Variants in PLXDC2 observed in about 807,000 individuals in gnomAD.
The protein encoded by PLXDC2 is plexin domain-containing protein 2.
PLXDC2 carries 40 observed loss-of-function variants against 68.9 expected under a neutral mutation model. The ratio of observed to expected loss-of-function variants is 0.58; its 90% CI spans 0.45 to 0.76. PLXDC2 has a LOEUF of 0.76. Ranked by LOEUF, PLXDC2 falls within the 30% of genes least tolerant of loss-of-function variation. The probability of loss-of-function intolerance (pLI) is 0.00; values close to 1 mark genes in which losing one functional copy is unlikely to be tolerated. For synonymous variants in PLXDC2, 243 were observed against 234.2 expected (o/e 1.04, Z -0.34); for missense variants, 644 against 661.9 (o/e 0.97, Z 0.30).
At chr10:20,162,063 AG>A (rs71390762) in intron 6 of PLXDC2, among the ~76,000 whole-genome samples, 7,876 of 68,366 alleles carry the variant, frequency 0.12, 303 homozygotes, top group East Asian at 0.38. Flanking sequence ...AGAGAGAGAG[AG>A]AGAGAGAGAA....
chr10:19,918,800 C>T (rs1421682879), intron 1 of PLXDC2, among the ~76,000 whole-genome samples: 1 of 152,162 alleles, frequency 6.6e-6, no homozygotes, highest in Non-Finnish European at 1.5e-5. Context: ...CTTAAAAGGA[C>T]ATGGATGAGA....
chr10:19,886,803 A>C (rs1837855195), intron 1 of PLXDC2, among the ~76,000 whole-genome samples: 1 of 152,146 alleles, frequency 6.6e-6, no homozygotes, highest in Non-Finnish European at 1.5e-5. Context: ...TATGAGAAAA[A>C]ATTCTGTAAT....
chr10:20,224,068 G>A (rs1319648353), intron 12 of PLXDC2, among the ~76,000 whole-genome samples: 1 of 150,136 alleles, frequency 6.7e-6, no homozygotes, highest in Non-Finnish European at 1.5e-5. Flanking sequence ...TCCACCTTTT[G>A]GTTCAAGCGA....
intron 1 of PLXDC2, among the ~76,000 whole-genome samples, chr10:19,843,642 T>C (rs777091512): frequency 7.9e-5 from 12 of 152,190 alleles, no homozygotes; most frequent in Non-Finnish European, 1.8e-4. Flanking sequence ...CTGGAGGTCA[T>C]TATATTAGGG....
chr10:20,144,160 G>A (rs1194986179), intron 5 of PLXDC2, among the ~76,000 whole-genome samples: 1 of 152,054 alleles, frequency 6.6e-6, no homozygotes. Flanking sequence ...ATATTGCAAT[G>A]ATTAAATATA....
intron 1 of PLXDC2, among the ~76,000 whole-genome samples, chr10:19,970,548 G>T (rs1382860040): frequency 6.6e-6 from 1 of 152,186 alleles, no homozygotes; most frequent in East Asian, 1.9e-4. Flanking sequence ...TAACTGCAAA[G>T]CACAAGTAGT....
intron 1 of PLXDC2, among the ~76,000 whole-genome samples, chr10:19,869,202 G>A (rs536927386): frequency 6.6e-6 from 1 of 152,058 alleles, no homozygotes; most frequent in Admixed American, 6.6e-5. Flanking sequence ...TTTGAGACCA[G>A]CTTGGGCCAC....
At chr10:19,981,668 C>A (rs1468641224) in intron 1 of PLXDC2, among the ~76,000 whole-genome samples, 1 of 152,126 alleles carries the variant, frequency 6.6e-6, no homozygotes, top group Non-Finnish European at 1.5e-5. Context: ...TGGTGGGTGA[C>A]AATCTTATTT....
chr10:19,972,906 A>G (rs74122126), intron 1 of PLXDC2, among the ~76,000 whole-genome samples: 3,840 of 152,270 alleles, frequency 0.025, 165 homozygotes, highest in African/African-American at 0.087. Flanking sequence ...TCCTATCTAC[A>G]TGTAGTGAAT....
intron 1 of PLXDC2, among the ~76,000 whole-genome samples, chr10:19,887,062 C>T (rs947156124): frequency 1.3e-5 from 2 of 152,292 alleles, no homozygotes; most frequent in South Asian, 2.1e-4. Flanking sequence ...GGGACACCTA[C>T]AGGTTCCCAG....
At chr10:20,082,045 GAAAAAAAAAAAAAAAAATC>G (rs1319560390) in intron 4 of PLXDC2, among the ~76,000 whole-genome samples, 1 of 9,614 alleles carries the variant, frequency 1.0e-4, no homozygotes, top group African/African-American at 5.9e-4. Flanking sequence ...AACTCCATCT[GAAAAAAAAAAAAAAAAATC>G]AAAAAAAAAA....
rs139706605 is a variant in PLXDC2, at chr10:19,989,961, G to A, written c.113-11814G>A. On this transcript the variant is annotated intron_variant, in intron 1 of 13. Transcript: ENST00000377252. Reference sequence around the variant, plus strand: ...GAGGAGGTTTTGCCATGTTGGACAGGCTGTTCTCAAACTCCTGACCTCCTG... The same window carrying A: ...GAGGAGGTTTTGCCATGTTGGACAGACTGTTCTCAAACTCCTGACCTCCTG... Among the ~76,000 whole-genome samples the A allele has an allele frequency of 6.6e-4, 101 of 151,986 alleles. 1 individual carries two copies. The highest frequency in any genetic ancestry group is 2.2e-3 in the African/African-American group (91 of 41,458).
intron 1 of PLXDC2, among the ~76,000 whole-genome samples, chr10:19,947,707 C>CTTTTTTTTTTTTTTTTTTTT (rs34439585): frequency 8.3e-6 from 1 of 120,974 alleles, no homozygotes; most frequent in Non-Finnish European, 1.7e-5. Flanking sequence ...TTCTTTCTTT[C>CTTTTTTTTTTTTTTTTTTTT]TTTTTTTTTT....
intron 13 of PLXDC2, among the ~76,000 whole-genome samples, chr10:20,262,440 G>C (rs1051405409): frequency 7.2e-5 from 11 of 152,234 alleles, no homozygotes; most frequent in African/African-American, 2.7e-4. Flanking sequence ...GGAAAAAGTA[G>C]CTGTAGCCTC....
At chr10:20,107,237 T>C (rs1833504082) in intron 4 of PLXDC2, among the ~76,000 whole-genome samples, 1 of 152,026 alleles carries the variant, frequency 6.6e-6, no homozygotes, top group African/African-American at 2.4e-5. Context: ...CCTTGGTATA[T>C]GTCAATGTGT....
At chr10:20,145,921 A>G (rs1333485146) in intron 5 of PLXDC2, among the ~76,000 whole-genome samples, 1 of 152,174 alleles carries the variant, frequency 6.6e-6, no homozygotes, top group Non-Finnish European at 1.5e-5. Context: ...ATTGGCATTA[A>G]AAACTTTAAT....
chr10:20,063,796 A>G (rs2131701909), intron 3 of PLXDC2, among the ~76,000 whole-genome samples: 1 of 152,304 alleles, frequency 6.6e-6, no homozygotes, highest in East Asian at 1.9e-4. Context: ...GCACAGTCAT[A>G]TATGGATGTA....
At chr10:20,020,263 T>C (rs7098439) in intron 2 of PLXDC2, among the ~76,000 whole-genome samples, 33,538 of 144,654 alleles carry the variant, frequency 0.23, 4,668 homozygotes, top group Non-Finnish European at 0.33. Context: ...CAAGCAATCC[T>C]CCTGCCTCAG....
chr10:20,185,246 T>C (rs1022127141), intron 9 of PLXDC2, among the ~76,000 whole-genome samples: 1 of 147,378 alleles, frequency 6.8e-6, no homozygotes, highest in Non-Finnish European at 1.5e-5. Flanking sequence ...TTATGTAGGG[T>C]CAACCCAAGG....
Sources: gnomAD v4.1 joint callset for allele counts (sites outside exome capture counted in the v4.1 genomes callset) on GRCh38, gnomAD v4.1.1 for gene constraint, MANE v1.5 for transcripts, NCBI Gene and HGNC (gene_info 2026-07-23, HGNC 2026-07-21) for gene names.